Variants in NCOA1 observed in about 807,000 individuals in gnomAD.
NCOA1 encodes the protein Hin-2 protein.
In NCOA1, 35 loss-of-function variants were observed where a neutral mutation model predicts 150.9. That is an observed-to-expected ratio of 0.23 (90% CI 0.18 to 0.31). The LOEUF is 0.31. Ranked by LOEUF, NCOA1 falls within the 10% of genes least tolerant of loss-of-function variation. The pLI is 1.00. For missense variants in NCOA1, 1,491 were observed against 1,749.3 expected (o/e 0.85, Z 2.63); for synonymous variants, 590 against 630.0 (o/e 0.94, Z 0.95).
At chr2:24,614,335 A>G (rs1668779693) in intron 3 of NCOA1, among the ~76,000 whole-genome samples, 1 of 148,302 alleles carries the variant, frequency 6.7e-6, no homozygotes, top group South Asian at 2.1e-4. Context: ...CTCCCACCTC[A>G]ACCTCCTGTG....
At chr2:24,653,919 G>C (rs867196988) in intron 4 of NCOA1, among the ~76,000 whole-genome samples, 1 of 151,950 alleles carries the variant, frequency 6.6e-6, no homozygotes, top group African/African-American at 2.4e-5. Flanking sequence ...TCTCTCTTTT[G>C]TTTCTACTTT....
intron 3 of NCOA1, among the ~76,000 whole-genome samples, chr2:24,624,304 A>G (rs1368601245): frequency 1.3e-5 from 2 of 152,234 alleles, no homozygotes; most frequent in Admixed American, 6.5e-5. Flanking sequence ...TCCTTAAACC[A>G]AAAGAATTTA....
intron 17 of NCOA1, among the ~76,000 whole-genome samples, chr2:24,731,358 A>G (rs1203234594): frequency 1.3e-5 from 2 of 152,196 alleles, no homozygotes; most frequent in Admixed American, 6.5e-5. Flanking sequence ...AAAAGAGTCT[A>G]ATAAAGAACT....
At chr2:24,494,175 G>A (rs1454768755) in intron 1 of NCOA1, among the ~76,000 whole-genome samples, 1 of 152,186 alleles carries the variant, frequency 6.6e-6, no homozygotes, top group East Asian at 1.9e-4. Flanking sequence ...GGTGCTGAAA[G>A]GTGGAGTGGT....
intron 20 of NCOA1, among the ~76,000 whole-genome samples, chr2:24,752,940 A>C (rs1310147705): frequency 1.3e-5 from 2 of 151,628 alleles, no homozygotes; most frequent in Non-Finnish European, 2.9e-5. Context: ...TGAGTTTTAT[A>C]AGGATTTTAA....
chr2:24,752,166 C>G lies in NCOA1; in HGVS notation c.3881+10C>G, dbSNP rs1034070953. On this transcript the variant is annotated intron_variant, in intron 20 of 22. Transcript: ENST00000348332. ...CGATAGGAAACAACAAGTAAGGGGG[C>G]AGTTTTTATATATGAGCATCCTTGA... The G allele has an allele frequency of 2.5e-6, 4 of 1,612,316 alleles. No individual in the cohort carries two copies. The Admixed American group carries it at 6.7e-5, about 27-fold the overall frequency.
intron 21 of NCOA1, among the ~76,000 whole-genome samples, chr2:24,761,970 G>C (rs566124264): frequency 6.6e-6 from 1 of 152,334 alleles, no homozygotes; most frequent in Non-Finnish European, 1.5e-5. Context: ...TGTTTCCCCT[G>C]CATCTATAAG....
chr2:24,752,140 G>A lies in NCOA1; in HGVS notation c.3865G>A (p.Ala1289Thr), dbSNP rs1162383537. The part of the protein sequence containing the change: ...SPDMKAWQQG[A>T]IGNNNVFSQA... ...AGACATGAAGGCCTGGCAGCAAGGA[G>A]CGATAGGAAACAACAAGTAAGGGGG... The change falls in exon 20 of 23, where the codon GCG becomes ACG. Residue 1289 changes from alanine to threonine, a missense_variant. By Grantham distance (58) the Ala-to-Thr change is moderately conservative (BLOSUM62 0). Around this residue, in one of 8 missense-constraint regions of NCOA1, gnomAD observed 485 missense variants for 522.8 expected, o/e 0.93. Coordinates refer to ENST00000348332, the MANE Select transcript of NCOA1 (RefSeq NM_003743.5). The A allele has an allele frequency of 1.2e-6, 2 of 1,613,852 alleles. No homozygotes were observed. The highest frequency in any genetic ancestry group is 1.7e-6 in the Non-Finnish European group (2 of 1,179,946).
chr2:24,753,369 GA>G (rs369636824), intron 20 of NCOA1, among the ~76,000 whole-genome samples: 24,647 of 146,016 alleles, frequency 0.17, 2,219 homozygotes, highest in Non-Finnish European at 0.21. Context: ...ATGGCTTGGG[GA>G]AAAAAAAAAA....
At chr2:24,730,632 TGACAG>T (rs1318108115) in intron 17 of NCOA1, among the ~76,000 whole-genome samples, 6 of 152,018 alleles carry the variant, frequency 3.9e-5, no homozygotes, top group Non-Finnish European at 8.8e-5. Flanking sequence ...TTCTCTCTCA[TGACAG>T]GAAATGAGTA....
intron 6 of NCOA1, among the ~76,000 whole-genome samples, chr2:24,672,751 C>T (rs1176157070): frequency 2.0e-5 from 3 of 152,066 alleles, no homozygotes; most frequent in East Asian, 1.9e-4. Flanking sequence ...TCAATAATAC[C>T]ATATTTGGCT....
chr2:24,651,924 A>G (rs1164128584), intron 4 of NCOA1, among the ~76,000 whole-genome samples: 3 of 152,090 alleles, frequency 2.0e-5, no homozygotes, highest in Non-Finnish European at 1.5e-5. Context: ...ACCCTTGTAC[A>G]TTACTGGTGG....
intron 6 of NCOA1, among the ~76,000 whole-genome samples, chr2:24,667,948 C>T (rs1269521704): frequency 2.0e-5 from 3 of 152,172 alleles, no homozygotes; most frequent in Non-Finnish European, 4.4e-5. Flanking sequence ...GTACTTTTTA[C>T]ATCTGACATA....
In NCOA1 at chr2:24,705,157, C is replaced by A. The variant is rs1673356129; in HGVS notation, c.1021C>A (p.His341Asn). 4.3e-6 allele frequency: 7 copies of A among 1,614,034 alleles called. No homozygotes were observed. The highest frequency in any genetic ancestry group is 5.9e-6 in the Non-Finnish European group (7 of 1,179,906). Residue 341 changes from histidine (H) to asparagine (N), a missense_variant, in exon 12 of 23, where the codon CAC becomes AAC. His to Asn is a moderately conservative substitution (Grantham distance 68). Around this residue, in one of 8 missense-constraint regions of NCOA1, gnomAD observed 703 missense variants for 717.7 expected, o/e 0.98. Coordinates refer to ENST00000348332, the MANE Select transcript of NCOA1 (RefSeq NM_003743.5). ...ILNDGTMLSA[H>N]TKCKLCYPQS... ...GAATGATGGGACAATGCTTAGCGCC[C>A]ACACCAAGTGTAAACTTTGCTACCC...
intron 3 of NCOA1, among the ~76,000 whole-genome samples, chr2:24,617,566 A>C (rs950484892): frequency 6.6e-6 from 1 of 152,218 alleles, no homozygotes; most frequent in Non-Finnish European, 1.5e-5. Flanking sequence ...CTTCTTTGAA[A>C]GTCATCTGAA....
At chr2:24,541,006 C>G (rs1665369985) in intron 1 of NCOA1, among the ~76,000 whole-genome samples, 2 of 152,180 alleles carry the variant, frequency 1.3e-5, no homozygotes, top group African/African-American at 4.8e-5. Context: ...GTGAAAGATA[C>G]TACTATCTCA....
intron 14 of NCOA1, among the ~76,000 whole-genome samples, chr2:24,720,972 C>T (rs1487285099): frequency 1.3e-5 from 2 of 152,196 alleles, no homozygotes; most frequent in African/African-American, 4.8e-5. Context: ...GTTTAATTAT[C>T]ATCCTCCTTC....
At position 24,564,361 on chromosome 2, in the gene NCOA1, A is replaced by C. The variant is rs1175113106; in HGVS notation, c.-329A>C. ...ATGATAAAATCAAGGACCATCAAGC[A>C]AGATCATGCAGTAGGCAACTTTGCT... On this transcript the variant is annotated 5_prime_UTR_variant, in exon 2 of 23. Coordinates refer to ENST00000348332, the MANE Select transcript of NCOA1 (RefSeq NM_003743.5). 1 of 152,246 alleles carries C rather than the reference A, an allele frequency of 6.6e-6. No homozygotes were observed. The highest frequency in any genetic ancestry group is 1.5e-5 in the Non-Finnish European group (1 of 68,042). The allele number at this position is 152,246 out of a possible 1,614,324, so 9.4% of individuals were successfully genotyped here.
At chr2:24,562,443 C>G (rs1007912713) in intron 1 of NCOA1, among the ~76,000 whole-genome samples, 2 of 152,156 alleles carry the variant, frequency 1.3e-5, no homozygotes, top group African/African-American at 4.8e-5. Context: ...ATAAGGGATA[C>G]TCAATCTGTA....
Sources: allele counts gnomAD v4.1 joint callset (sites outside exome capture counted in the v4.1 genomes callset), GRCh38; gene constraint gnomAD v4.1.1; regional missense constraint gnomAD v4.1.1; transcripts MANE v1.5; gene names NCBI Gene and HGNC (gene_info 2026-07-23, HGNC 2026-07-21).